Variants in ESRRG observed in about 807,000 individuals in gnomAD.
ESRRG encodes the protein estrogen related receptor gamma.
A neutral mutation model predicts 44.0 loss-of-function variants in ESRRG; 13 were observed. The observed-to-expected ratio is 0.30, with a 90% confidence interval of 0.19 to 0.47. The LOEUF (loss-of-function observed/expected upper bound fraction) is 0.47. Among genes scored for constraint, ESRRG ranks in the 20% least tolerant of loss-of-function variants. The probability of loss-of-function intolerance (pLI) is 1.00; values close to 1 mark genes in which losing one functional copy is unlikely to be tolerated. For synonymous variants in ESRRG, 215 were observed against 214.6 expected, an observed-to-expected ratio of 1.00 and a Z score of -0.02; for missense variants, 395 against 580.6, an observed-to-expected ratio of 0.68 and a Z score of 3.29.
intron 3 of ESRRG, among the ~76,000 whole-genome samples, chr1:216,574,408 C>T (rs11572761): frequency 1.4e-4 from 21 of 152,214 alleles, no homozygotes; most frequent in African/African-American, 4.6e-4. Context: ...AGCCCAAGGT[C>T]TTCTTAGGTC....
chr1:216,622,671 G>C (rs1387303559), intron 3 of ESRRG, among the ~76,000 whole-genome samples: 1 of 151,420 alleles, frequency 6.6e-6, no homozygotes, highest in Non-Finnish European at 1.5e-5. Flanking sequence ...TTATTTCATT[G>C]GTAGGGCATG....
chr1:216,571,859 G>C (rs2060865840), intron 3 of ESRRG, among the ~76,000 whole-genome samples: 1 of 152,032 alleles, frequency 6.6e-6, no homozygotes, highest in Admixed American at 6.6e-5. Context: ...CATAAAAACA[G>C]ATTACATAAT....
intron 2 of ESRRG, among the ~76,000 whole-genome samples, chr1:216,824,531 T>TA (rs2095358964): frequency 6.6e-6 from 1 of 151,948 alleles, no homozygotes. Flanking sequence ...TACGGAATGA[T>TA]AAAATGTAGT....
chr1:216,564,926 C>CTGCCTTGGTGAATTACTGACTATA, intron 4 of ESRRG, among the ~76,000 whole-genome samples: 1 of 152,132 alleles, frequency 6.6e-6, no homozygotes, highest in East Asian at 1.9e-4. Flanking sequence ...CTATATAACT[C>CTGCCTTGGTGAATTACTGACTATA]TATCTCCGTG....
intron 2 of ESRRG, among the ~76,000 whole-genome samples, chr1:216,915,680 C>T (rs555916415): frequency 1.3e-5 from 2 of 152,176 alleles, no homozygotes; most frequent in Non-Finnish European, 2.9e-5. Flanking sequence ...TGCAAGGCTG[C>T]ATCTACTGAA....
chr1:217,112,220 A>C (rs745445819), intron 1 of ESRRG, among the ~76,000 whole-genome samples: 5 of 152,198 alleles, frequency 3.3e-5, no homozygotes, highest in Non-Finnish European at 7.3e-5. Flanking sequence ...TTTGAGCCAC[A>C]AAGTTTTGGG....
chr1:217,133,645 C>CTTTCTCTTTCTT (rs1553294787), intron 1 of ESRRG, among the ~76,000 whole-genome samples: 4 of 91,728 alleles, frequency 4.4e-5, no homozygotes, highest in African/African-American at 1.7e-4. Flanking sequence ...CTCTCTCTCT[C>CTTTCTCTTTCTT]TCTTTCTTTC....
In ESRRG at chr1:217,115,476, C is replaced by G. The variant is rs1478636920; in HGVS notation, c.-230+22191G>C. Reference sequence around the variant, plus strand: ...AACATTTCCCCTACCCACCCAACAACCTCTCTACTGCATATCCTATGCTCA... The same window carrying G: ...AACATTTCCCCTACCCACCCAACAAGCTCTCTACTGCATATCCTATGCTCA... On this transcript the variant is annotated intron_variant, in intron 1 of 8. Coordinates refer to the ESRRG transcript ENST00000366940. 2.0e-5 allele frequency among the ~76,000 whole-genome samples: 3 copies of G among 152,110 alleles called. No individual in the cohort carries two copies. The East Asian group carries it at 5.8e-4, about 30-fold the overall frequency.
At chr1:217,015,832 T>G (rs1384703087) in intron 1 of ESRRG, among the ~76,000 whole-genome samples, 1 of 151,490 alleles carries the variant, frequency 6.6e-6, no homozygotes, top group Non-Finnish European at 1.5e-5. Flanking sequence ...CAGGTTCAAA[T>G]GATTCTCCTG....
intron 6 of ESRRG, among the ~76,000 whole-genome samples, chr1:216,515,141 G>A (rs564571767): frequency 1.4e-3 from 210 of 152,112 alleles, no homozygotes; most frequent in Middle Eastern, 0.01. Context: ...AAACAGTTAT[G>A]TATTTAAGCG....
chr1:217,068,619 T>C (rs538600188), intron 1 of ESRRG, among the ~76,000 whole-genome samples: 1 of 152,284 alleles, frequency 6.6e-6, no homozygotes, highest in Admixed American at 6.5e-5. Flanking sequence ...TCATAAACTT[T>C]CACTACAAAA....
intron 3 of ESRRG, among the ~76,000 whole-genome samples, chr1:216,589,424 T>C (rs1162076290): frequency 6.6e-6 from 1 of 152,182 alleles, no homozygotes; most frequent in Non-Finnish European, 1.5e-5. Flanking sequence ...ATTTCATATG[T>C]GGTCCAAGAC....
At chr1:217,088,483 A>T (rs1200858606) in intron 1 of ESRRG, among the ~76,000 whole-genome samples, 1 of 134,016 alleles carries the variant, frequency 7.5e-6, no homozygotes, top group Non-Finnish European at 1.5e-5. Context: ...TGTTAGTGAA[A>T]TCATTTGCTT....
At chr1:216,797,418 T>C (rs186247733) in intron 2 of ESRRG, among the ~76,000 whole-genome samples, 9 of 152,234 alleles carry the variant, frequency 5.9e-5, no homozygotes, top group African/African-American at 1.9e-4. Context: ...TCAGTTTCCA[T>C]AAGCGGGAAC....
intron 3 of ESRRG, among the ~76,000 whole-genome samples, chr1:216,643,356 C>T (rs978782345): frequency 3.9e-5 from 6 of 152,110 alleles, no homozygotes; most frequent in African/African-American, 1.4e-4. Context: ...ACAACTAATT[C>T]CCTAATGTAA....
chr1:216,643,695 A>G (rs921252729), intron 3 of ESRRG, among the ~76,000 whole-genome samples: 2 of 152,130 alleles, frequency 1.3e-5, no homozygotes, highest in African/African-American at 4.8e-5. Context: ...ACCAATCACC[A>G]TCATTATCTC....
intron 3 of ESRRG, among the ~76,000 whole-genome samples, chr1:216,626,022 T>C (rs891059184): frequency 3.9e-5 from 6 of 152,162 alleles, no homozygotes; most frequent in Admixed American, 3.9e-4. Context: ...TCATTCTCAT[T>C]ACTTCTACTT....
chr1:217,000,817 G>T (rs1490787036), intron 1 of ESRRG: 1 of 152,196 alleles, frequency 6.6e-6, no homozygotes, highest in Non-Finnish European at 1.5e-5. Context: ...AAGGGCCTAT[G>T]CACTCTGTGT....
chr1:216,831,130 G>T (rs548943936), intron 2 of ESRRG, among the ~76,000 whole-genome samples: 1 of 152,028 alleles, frequency 6.6e-6, no homozygotes, highest in East Asian at 1.9e-4. Flanking sequence ...TTTATACATG[G>T]CATTCTTATT....
Sources: gnomAD v4.1 joint callset for allele counts (sites outside exome capture counted in the v4.1 genomes callset) on GRCh38, gnomAD v4.1.1 for gene constraint, MANE v1.5 for transcripts, NCBI Gene and HGNC (gene_info 2026-07-23, HGNC 2026-07-21) for gene names.